Variants in RYR3 observed in about 807,000 individuals in gnomAD.
The protein encoded by RYR3 is ryanodine receptor 3.
A neutral mutation model predicts 584.3 loss-of-function variants in RYR3; 207 were observed. That is an observed-to-expected ratio of 0.35 (90% CI 0.32 to 0.40). RYR3 has a LOEUF of 0.40. Among genes scored for constraint, RYR3 ranks in the 10% least tolerant of loss-of-function variants. The pLI is 1.00. For synonymous variants in RYR3, 2,416 were observed against 2,248.5 expected (o/e 1.07, Z -2.11); for missense variants, 5,616 against 6,089.2 (o/e 0.92, Z 2.59).
At chr15:33,346,763 T>C (rs922668687) in intron 1 of RYR3, among the ~76,000 whole-genome samples, 2 of 152,340 alleles carry the variant, frequency 1.3e-5, no homozygotes, top group Non-Finnish European at 2.9e-5. Flanking sequence ...ATAATCGTGC[T>C]TGCTTTATTT....
intron 3 of RYR3, among the ~76,000 whole-genome samples, chr15:33,504,006 C>T (rs1385227929): frequency 2.6e-5 from 4 of 152,192 alleles, no homozygotes; most frequent in African/African-American, 9.7e-5. Context: ...ACTCCCCTCT[C>T]TTATCCCAGA....
At chr15:33,336,864 G>A (rs1409572446) in intron 1 of RYR3, among the ~76,000 whole-genome samples, 1 of 151,440 alleles carries the variant, frequency 6.6e-6, no homozygotes, top group Non-Finnish European at 1.5e-5. Flanking sequence ...GACCGTCCTG[G>A]CTAACACGGT....
rs760634766 is a variant in RYR3 at position 33,662,894 on chromosome 15, G to A, written c.5364G>A (p.Glu1788=). Residue 1788 remains glutamate (E), a synonymous_variant, in exon 35 of 104, where the codon GAG becomes GAA. Transcript: ENST00000634891. The part of the protein sequence containing the change: ...AVEAGEKAGK[E]APVKGLLQTR... The stretch of plus-strand genomic sequence containing the variant: ...AGGCTGGGGAGAAGGCCGGCAAGGA[G>A]GCTCCTGTCAAAGGCTTGTTGCAGA... 2 of 1,613,482 alleles carry A rather than the reference G, an allele frequency of 1.2e-6. No individual in the cohort carries two copies. Among genetic ancestry groups the A allele is most frequent in the Non-Finnish European group, 1.7e-6 (2 of 1,179,878 alleles).
chr15:33,801,595 G>A (rs2075921629), intron 68 of RYR3, among the ~76,000 whole-genome samples: 1 of 147,280 alleles, frequency 6.8e-6, no homozygotes, highest in Non-Finnish European at 1.5e-5. Flanking sequence ...TTGGAATTTG[G>A]TGTCTTATTA....
chr15:33,655,427 ATAAT>A (rs1274537352), intron 32 of RYR3, among the ~76,000 whole-genome samples: 1 of 152,324 alleles, frequency 6.6e-6, no homozygotes, highest in Non-Finnish European at 1.5e-5. Context: ...TTCAAAAAAA[ATAAT>A]TAATTTTTTA....
intron 2 of RYR3, among the ~76,000 whole-genome samples, chr15:33,477,831 C>A (rs183286186): frequency 2.0e-5 from 2 of 99,762 alleles, no homozygotes; most frequent in Non-Finnish European, 3.3e-5. Flanking sequence ...GCGGAGATGG[C>A]GCCACTGCAC....
intron 27 of RYR3, among the ~76,000 whole-genome samples, chr15:33,637,033 C>A (rs191557105): frequency 2.0e-5 from 3 of 152,316 alleles, no homozygotes; most frequent in Admixed American, 6.5e-5. Flanking sequence ...GAATGAAATA[C>A]AATTTATTTT....
At chr15:33,423,011 A>G (rs2044348009) in intron 1 of RYR3, among the ~76,000 whole-genome samples, 1 of 152,154 alleles carries the variant, frequency 6.6e-6, no homozygotes, top group Non-Finnish European at 1.5e-5. Flanking sequence ...TATAACATTG[A>G]GTTTGCCATT....
In RYR3 at chr15:33,846,951, C is replaced by T. The variant is rs561738943; in HGVS notation, c.13498-1340C>T. ...GATGGAGTACAGATTATACTGTGAC[C>T]AGGAGAAACAAAAAAGAAACACTAT... On this transcript the variant is annotated intron_variant, in intron 93 of 103. Coordinates refer to ENST00000634891, the MANE Select transcript of RYR3 (RefSeq NM_001036.6). 4.6e-5 allele frequency: 7 copies of T among 152,162 alleles called. No homozygotes were observed. The East Asian group carries it at 1.2e-3, about 25-fold the overall frequency. 9.4% of individuals were successfully genotyped at this position (152,162 alleles called of 1,614,324 possible). A position where few individuals can be genotyped will look rare whatever the true frequency, so the allele number is the denominator to read the frequency against.
At chr15:33,473,132 C>T (rs1431310056) in intron 1 of RYR3, among the ~76,000 whole-genome samples, 1 of 152,124 alleles carries the variant, frequency 6.6e-6, no homozygotes, top group Non-Finnish European at 1.5e-5. Flanking sequence ...CATCAGCTCA[C>T]CTAGACCATA....
Position 33,785,721 on chromosome 15 carries a change from C to T in RYR3, c.9328C>T (p.Leu3110=), listed in dbSNP as rs1453536426. The T allele has an allele frequency of 6.2e-7, 1 of 1,613,584 alleles. No individual in the cohort carries two copies. Residue 3110 remains leucine (L), a synonymous_variant, in exon 66 of 104, where the codon CTG becomes TTG. Transcript: ENST00000634891. Reference sequence around the variant, plus strand: ...TCCTGACATCCCCCAGCTGGAAGGCCTGATGAAGGAAATCAACGACCTGGC... The same window carrying T: ...TCCTGACATCCCCCAGCTGGAAGGCTTGATGAAGGAAATCAACGACCTGGC... The part of the protein sequence containing the change: ...MCPDIPQLEG[L]MKEINDLAES...
chr15:33,674,818 A>G (rs574494720), intron 38 of RYR3, among the ~76,000 whole-genome samples: 55 of 152,192 alleles, frequency 3.6e-4, no homozygotes, highest in African/African-American at 1.3e-3. Context: ...CTGCTTCAAC[A>G]AAGGCCCATG....
chr15:33,500,123 T>G (rs1596381618), intron 2 of RYR3, among the ~76,000 whole-genome samples: 1 of 152,180 alleles, frequency 6.6e-6, no homozygotes, highest in African/African-American at 2.4e-5. Flanking sequence ...AACAATAGAA[T>G]AAGGCACAGA....
intron 12 of RYR3, among the ~76,000 whole-genome samples, chr15:33,572,830 C>T (rs1343419545): frequency 1.3e-5 from 2 of 151,826 alleles, no homozygotes; most frequent in Non-Finnish European, 2.9e-5. Flanking sequence ...CAAAAATAGC[C>T]GGGCATAGTG....
Position 33,670,564 on chromosome 15 carries a change from A to C in RYR3, c.5860+8A>C. On this transcript the variant is annotated splice_region_variant and intron_variant, in intron 38 of 103. Transcript: ENST00000634891. ...AGGAGGAGAGATGCCCCAGTAAGTG[A>C]CATTGCCTTTAAATGACAGTGTGCT... 2.6e-6 allele frequency: 4 copies of C among 1,556,836 alleles called. No homozygotes were observed. Among genetic ancestry groups the C allele is most frequent in the Non-Finnish European group, 3.5e-6 (4 of 1,159,150 alleles).
chr15:33,652,575 A>T, intron 31 of RYR3, 143 bp from the exon 32 acceptor site: 1 of 797,388 alleles, frequency 1.3e-6, no homozygotes, highest in Non-Finnish European at 2.0e-6. Context: ...AAACTCATTT[A>T]AGGAAAAAAA....
intron 30 of RYR3, among the ~76,000 whole-genome samples, chr15:33,648,588 T>A (rs982651006): frequency 1.3e-5 from 2 of 152,154 alleles, no homozygotes; most frequent in Non-Finnish European, 2.9e-5. Flanking sequence ...TTCAAGACTT[T>A]CCAGAAAAAA....
In RYR3 at chr15:33,336,546, G is replaced by A. The variant is rs796846252; in HGVS notation, c.51+25450G>A. On this transcript the variant is annotated intron_variant, in intron 1 of 103. Coordinates refer to ENST00000634891, the MANE Select transcript of RYR3 (RefSeq NM_001036.6). ...GGAGGGAAGGAGGGAAGGAGGGAAG[G>A]AGGGAAGGAAGGAAGAAAAAAGCAC... is the stretch of plus-strand genomic sequence containing the variant. Among the ~76,000 whole-genome samples, 320 of 56,332 alleles carry A rather than the reference G, an allele frequency of 5.7e-3. 12 individuals are homozygous for A. The highest frequency in any genetic ancestry group is 8.3e-3 in the Middle Eastern group (1 of 120). The allele number at this position is 56,332 out of a possible 152,430, so 37.0% of individuals were successfully genotyped here.
At chr15:33,659,169 C>T (rs1354830858) in intron 32 of RYR3, among the ~76,000 whole-genome samples, 4 of 152,136 alleles carry the variant, frequency 2.6e-5, no homozygotes, top group African/African-American at 7.2e-5. Context: ...CATGGGATGG[C>T]GCCCACCGCA....
Sources: gnomAD v4.1 joint callset for allele counts (sites outside exome capture counted in the v4.1 genomes callset) on GRCh38, gnomAD v4.1.1 for gene constraint, MANE v1.5 for transcripts, NCBI Gene and HGNC (gene_info 2026-07-23, HGNC 2026-07-21) for gene names.